TTC28: variants seen among roughly 807,000 people sequenced by gnomAD.
The protein encoded by TTC28 is tetratricopeptide repeat protein 28.
TTC28 carries 61 observed loss-of-function variants against 198.0 expected under a neutral mutation model. That is an observed-to-expected ratio of 0.31 (90% CI 0.25 to 0.38). The LOEUF (loss-of-function observed/expected upper bound fraction) is 0.38, where lower values mean the gene tolerates loss of function less well. Ranked by LOEUF, TTC28 falls within the 10% of genes least tolerant of loss-of-function variation. The pLI is 1.00. For missense variants in TTC28, 2,678 were observed against 3,164.0 expected (o/e 0.85, Z 3.69); for synonymous variants, 1,171 against 1,297.8 (o/e 0.90, Z 2.10).
chr22:28,670,788 T>G (rs566694160), intron 1 of TTC28, among the ~76,000 whole-genome samples: 1 of 151,070 alleles, frequency 6.6e-6, no homozygotes, highest in South Asian at 2.1e-4. Context: ...GCCAAAGCAT[T>G]TTCTAAGACA....
chr22:28,368,000 T>C (rs1350611511), intron 2 of TTC28, among the ~76,000 whole-genome samples: 2 of 151,864 alleles, frequency 1.3e-5, no homozygotes, highest in Middle Eastern at 3.2e-3. Flanking sequence ...AAAGAACTAA[T>C]ACCAAATCAA....
intron 21 of TTC28, chr22:27,986,373 CTTCCT>C (rs1236850886): frequency 6.6e-6 from 1 of 152,264 alleles, no homozygotes; most frequent in African/African-American, 2.4e-5. Context: ...GTCAATTAAA[CTTCCT>C]TTCTTTATAA....
intron 5 of TTC28, among the ~76,000 whole-genome samples, chr22:28,261,679 G>A (rs138962167): frequency 2.4e-4 from 37 of 152,200 alleles, no homozygotes; most frequent in African/African-American, 8.4e-4. Context: ...AAATGCCTTA[G>A]CACATTTGAA....
intron 6 of TTC28, among the ~76,000 whole-genome samples, chr22:28,119,638 T>G (rs1420791953): frequency 6.6e-6 from 1 of 152,180 alleles, no homozygotes; most frequent in Non-Finnish European, 1.5e-5. Flanking sequence ...CACTGGCAAG[T>G]GTGGGTGGGG....
chr22:28,003,064 GGAA>G (rs1166491759), intron 14 of TTC28, among the ~76,000 whole-genome samples: 2 of 152,220 alleles, frequency 1.3e-5, no homozygotes, highest in Non-Finnish European at 2.9e-5. Context: ...AACCTAGGCA[GGAA>G]GAAGTAGGGG....
At chr22:28,275,985 TAAAC>T (rs1170408629) in intron 5 of TTC28, among the ~76,000 whole-genome samples, 7 of 151,980 alleles carry the variant, frequency 4.6e-5, no homozygotes, top group African/African-American at 1.7e-4. Flanking sequence ...GGCTAAGAGA[TAAAC>T]AAAATAATGA....
At chr22:28,377,932 T>C (rs2046436183) in intron 2 of TTC28, among the ~76,000 whole-genome samples, 1 of 152,146 alleles carries the variant, frequency 6.6e-6, no homozygotes, top group African/African-American at 2.4e-5. Context: ...ACAGTTATTA[T>C]AACAATATTC....
At chr22:28,528,722 C>CA (rs2049063040) in intron 2 of TTC28, among the ~76,000 whole-genome samples, 1 of 113,892 alleles carries the variant, frequency 8.8e-6, no homozygotes, top group South Asian at 2.8e-4. Flanking sequence ...GGCAACAGAG[C>CA]AAGACCCTGT....
Position 28,096,236 on chromosome 22 carries a change from G to A in TTC28, c.3720C>T (p.Ser1240=). 6.4e-7 allele frequency: 1 copy of A among 1,551,244 alleles called. No individual in the cohort carries two copies. Among genetic ancestry groups the A allele is most frequent in the South Asian group, 1.2e-5 (1 of 84,012 alleles). ...NGQRGLVLYY[S]LAAGYLYSWL... is the part of the protein sequence containing the mutation. ...AGCTATACAGATAGCCTGCAGCCAG[G>A]GAATAGTAAAGCACTAGTCCCCTCT... Residue 1240 remains serine (S), a synonymous_variant, in exon 11 of 23, where the codon TCC becomes TCT. Transcript: ENST00000397906.
At chr22:28,317,440 G>A (rs1014355456) in intron 2 of TTC28, among the ~76,000 whole-genome samples, 6 of 152,182 alleles carry the variant, frequency 3.9e-5, no homozygotes, top group African/African-American at 1.2e-4. Context: ...AGATTCAGGC[G>A]ATAAGTTTCA....
chr22:28,038,784 A>T (rs1939475725), intron 12 of TTC28, among the ~76,000 whole-genome samples: 1 of 152,232 alleles, frequency 6.6e-6, no homozygotes, highest in Non-Finnish European at 1.5e-5. Context: ...ACAAAGGGCT[A>T]ATATCCAGAA....
intron 2 of TTC28, among the ~76,000 whole-genome samples, chr22:28,327,238 TC>T (rs2045547127): frequency 6.6e-6 from 1 of 152,188 alleles, no homozygotes; most frequent in South Asian, 2.1e-4. Flanking sequence ...AGATTCTGTA[TC>T]CGTACATTCA....
At chr22:28,483,619 G>A (rs992913150) in intron 2 of TTC28, among the ~76,000 whole-genome samples, 2 of 152,092 alleles carry the variant, frequency 1.3e-5, no homozygotes, top group Non-Finnish European at 2.9e-5. Context: ...CCCATCTGAT[G>A]AATTTTCTTG....
Position 28,519,503 on chromosome 22 carries a change from C to A in TTC28, c.381+110049G>T, listed in dbSNP as rs116957820. Among the ~76,000 whole-genome samples the A allele has an allele frequency of 7.4e-4, 113 of 152,322 alleles. 1 individual carries two copies. In the East Asian group the frequency reaches 0.021, roughly 29 times the overall value. ...AATCAGTTGAAACCAATATGGCCAA[C>A]TGGAGTTTGCACAGAAATAACTTGC... On this transcript the variant is annotated intron_variant, in intron 2 of 22. Transcript: ENST00000397906.
chr22:28,040,315 G>A (rs925179312), intron 12 of TTC28, among the ~76,000 whole-genome samples: 1 of 152,144 alleles, frequency 6.6e-6, no homozygotes, highest in Non-Finnish European at 1.5e-5. Context: ...TATCCCTGAT[G>A]AACATCAGTG....
At chr22:28,055,577 G>C (rs1940254619) in intron 12 of TTC28, among the ~76,000 whole-genome samples, 1 of 152,120 alleles carries the variant, frequency 6.6e-6, no homozygotes, top group South Asian at 2.1e-4. Flanking sequence ...GAATCTCCCA[G>C]ACACTATTTA....
chr22:28,100,461 A>G (rs1942109565), intron 9 of TTC28, among the ~76,000 whole-genome samples: 2 of 152,256 alleles, frequency 1.3e-5, no homozygotes, highest in Admixed American at 6.5e-5. Flanking sequence ...TTAGAGAATT[A>G]ATCCTTTACA....
chr22:28,610,266 G>A (rs1013387624), intron 2 of TTC28, among the ~76,000 whole-genome samples: 12 of 152,160 alleles, frequency 7.9e-5, no homozygotes, highest in South Asian at 2.1e-4. Flanking sequence ...CCTCAAGTCC[G>A]TCCCTGACTC....
chr22:28,264,316 T>C (rs1476828318), intron 5 of TTC28, among the ~76,000 whole-genome samples: 1 of 151,986 alleles, frequency 6.6e-6, no homozygotes, highest in Admixed American at 6.6e-5. Flanking sequence ...CCACTATGAG[T>C]GAGAGGCCTC....
Sources: allele counts gnomAD v4.1 joint callset (sites outside exome capture counted in the v4.1 genomes callset), GRCh38; gene constraint gnomAD v4.1.1; transcripts MANE v1.5; gene names NCBI Gene and HGNC (gene_info 2026-07-23, HGNC 2026-07-21).